Variants in UHMK1 observed in about 807,000 individuals in gnomAD.
UHMK1 encodes the protein serine/threonine-protein kinase Kist.
UHMK1 carries 18 observed loss-of-function variants against 44.0 expected under a neutral mutation model. The ratio of observed to expected loss-of-function variants is 0.41; its 90% CI spans 0.28 to 0.61. The LOEUF (loss-of-function observed/expected upper bound fraction) is 0.61. Among genes scored for constraint, UHMK1 ranks in the 20% least tolerant of loss-of-function variants. The pLI, the probability that UHMK1 is intolerant of heterozygous loss-of-function variation, is 0.31. For missense variants in UHMK1, 463 were observed against 522.5 expected, an observed-to-expected ratio of 0.89 and a Z score of 1.11; for synonymous variants, 231 against 198.5, an observed-to-expected ratio of 1.16 and a Z score of -1.38.
chr1:162,497,689 T>C, upstream of UHMK1: 3 of 864,654 alleles, frequency 3.5e-6, no homozygotes, highest in Non-Finnish European at 4.6e-6. Flanking sequence ...TACTCAATAA[T>C]TAAGGTTACT....
Position 162,526,102 on chromosome 1 carries a change from T to C in UHMK1, c.*3552T>C, listed in dbSNP as rs1652239127. The C allele has an allele frequency of 6.6e-6, 1 of 152,170 alleles. No homozygotes were observed. Among genetic ancestry groups the C allele is most frequent in the African/African-American group, 2.4e-5 (1 of 41,438 alleles). 9.4% of individuals were successfully genotyped at this position (152,170 alleles called of 1,614,324 possible). A position where few individuals can be genotyped will look rare whatever the true frequency, so the allele number is the denominator to read the frequency against. On this transcript the variant is annotated 3_prime_UTR_variant, in exon 8 of 8. Transcript: ENST00000489294. The stretch of plus-strand genomic sequence containing the variant: ...CTGGTAAGGGCATCAGTTACTTTTC[T>C]GGAATAAAAGGCGGAGTTAGAGCAC...
At chr1:162,497,406 G>C, upstream of UHMK1, 1 of 621,702 alleles carries the variant, frequency 1.6e-6, no homozygotes, top group South Asian at 1.8e-5. Context: ...GGGGGGCTTA[G>C]AATTGTATTT....
intron 7 of UHMK1, among the ~76,000 whole-genome samples, chr1:162,521,616 C>G (rs1346227254): frequency 6.6e-6 from 1 of 152,098 alleles, no homozygotes; most frequent in Non-Finnish European, 1.5e-5. Flanking sequence ...TGCTATCACG[C>G]CCAGTTAGAT....
intron 4 of UHMK1, among the ~76,000 whole-genome samples, chr1:162,509,529 T>C (rs56278977): frequency 6.6e-6 from 1 of 152,356 alleles, no homozygotes; most frequent in Non-Finnish European, 1.5e-5. Context: ...TGTTTGGGTT[T>C]ATTTTTTTTC....
At position 162,498,276 on chromosome 1, in the gene UHMK1, C is replaced by T; in HGVS notation, c.268+8C>T. 17 of 1,573,858 alleles carry T rather than the reference C, an allele frequency of 1.1e-5. No individual in the cohort carries two copies. Among genetic ancestry groups the T allele is most frequent in the Non-Finnish European group, 1.5e-5 (17 of 1,155,628 alleles). ...AGGGTCACAGAAACATCGGTAATTG[C>T]CGCTGTCTCCTTTCTCTTCTTGCCC... is the stretch of plus-strand genomic sequence containing the variant. On this transcript the variant is annotated splice_region_variant and intron_variant, in intron 1 of 7. Transcript: ENST00000489294.
chr1:162,521,574 CTGCCTCCCAAGTA>C (rs1652060506), intron 7 of UHMK1, among the ~76,000 whole-genome samples: 1 of 152,212 alleles, frequency 6.6e-6, no homozygotes, highest in African/African-American at 2.4e-5. Flanking sequence ...CCTCCCAACT[CTGCCTCCCAAGTA>C]GCTGGGATTA....
In UHMK1 at chr1:162,501,096, G is replaced by T; in HGVS notation, c.745G>T (p.Glu249Ter). 6.2e-7 allele frequency: 1 copy of T among 1,613,766 alleles called. No individual in the cohort carries two copies. The highest frequency in any genetic ancestry group is 8.5e-7 in the Non-Finnish European group (1 of 1,179,920). The change falls in exon 3 of 8, where the codon GAA (glutamate) becomes TAA (stop). Residue 249 changes from glutamate to a stop codon, truncating the protein, a stop_gained. Transcript: ENST00000489294. LOFTEE classifies it high-confidence loss of function. ...ACTGAAACATACAGTCAGATCTCAG[G>T]AATGGAAGGTAAACTTCACCAGTGC... ...MKLKHTVRSQ[E>*]WKANSSAIID...
At chr1:162,512,441 A>G in intron 4 of UHMK1, 59 bp from the exon 5 acceptor site, 1 of 1,371,836 alleles carries the variant, frequency 7.3e-7, no homozygotes, top group East Asian at 2.3e-5. Flanking sequence ...ACTTTCTTTA[A>G]TGGTTGCATT....
Position 162,498,105 on chromosome 1 carries a change from C to G in UHMK1, c.105C>G (p.Ala35=). 6.2e-7 allele frequency: 1 copy of G among 1,612,340 alleles called. No individual in the cohort carries two copies. The highest frequency in any genetic ancestry group is 8.5e-7 in the Non-Finnish European group (1 of 1,179,648). ...VQSRLGSGSS[A]SVYRVRCCGN... is the part of the protein sequence containing the mutation. The stretch of plus-strand genomic sequence containing the variant: ...GCCGTCTGGGTAGCGGCTCCTCCGC[C>G]TCGGTGTATCGGGTTCGCTGCTGCG... The change falls in exon 1 of 8, where the codon GCC becomes GCG. Residue 35 remains alanine, a synonymous_variant. Transcript: ENST00000489294.
In UHMK1 at chr1:162,523,434, A is replaced by G. The variant is rs1424828746; in HGVS notation, c.*884A>G. On this transcript the variant is annotated 3_prime_UTR_variant, in exon 8 of 8. Coordinates refer to ENST00000489294, the MANE Select transcript of UHMK1 (RefSeq NM_175866.5). ...AAACTGGAGTCTAGCCTGGAGTTAA[A>G]TTGAGACTTCTAAAATGATTGGAAC... is the stretch of plus-strand genomic sequence containing the variant. 3 of 152,664 alleles carry G rather than the reference A, an allele frequency of 2.0e-5. No homozygotes were observed. Among genetic ancestry groups the G allele is most frequent in the African/African-American group, 7.2e-5 (3 of 41,466 alleles). The allele number at this position is 152,664 out of a possible 1,614,324, so 9.5% of individuals were successfully genotyped here.
At chr1:162,498,950 G>A (rs938929381) in intron 1 of UHMK1, among the ~76,000 whole-genome samples, 6 of 152,176 alleles carry the variant, frequency 3.9e-5, no homozygotes, top group African/African-American at 1.2e-4. Flanking sequence ...ATGATGCATA[G>A]TTAATTTGAA....
chr1:162,519,684 G>A (rs768909), intron 7 of UHMK1, among the ~76,000 whole-genome samples: 69,543 of 152,072 alleles, frequency 0.46, 15,967 homozygotes, highest in East Asian at 0.47. Context: ...TTTTTTGAGA[G>A]ATAGAATTTT....
intron 4 of UHMK1, among the ~76,000 whole-genome samples, chr1:162,506,883 C>T (rs543030986): frequency 6.6e-6 from 1 of 152,126 alleles, no homozygotes; most frequent in South Asian, 2.1e-4. Flanking sequence ...AAAAGAGTCA[C>T]TTGGTCTTCT....
chr1:162,497,794 G>A, upstream of UHMK1: 1 of 1,346,614 alleles, frequency 7.4e-7, no homozygotes, highest in South Asian at 1.9e-5. Flanking sequence ...TGTATGATAG[G>A]CTCTTCCTCC....
intron 4 of UHMK1, among the ~76,000 whole-genome samples, chr1:162,507,068 C>T (rs971536518): frequency 1.1e-4 from 16 of 151,482 alleles, no homozygotes; most frequent in Admixed American, 6.6e-4. Context: ...ATGTCCTCCT[C>T]GTCTACATAC....
At chr1:162,514,861 T>G (rs898131024) in intron 6 of UHMK1, among the ~76,000 whole-genome samples, 1 of 152,204 alleles carries the variant, frequency 6.6e-6, no homozygotes, top group Non-Finnish European at 1.5e-5. Context: ...AGAATTTTGG[T>G]GTGGCTGTAT....
In UHMK1 at chr1:162,507,868, G is replaced by A. The variant is rs148777758; in HGVS notation, c.848+4020G>A. 3.3e-4 allele frequency among the ~76,000 whole-genome samples: 50 copies of A among 151,590 alleles called. No homozygotes were observed. In the East Asian group the frequency reaches 8.9e-3, roughly 27 times the overall value. ...CCCCAAATGTTGTGATTACAGGCAT[G>A]AGCCACCGTGCCCCGCCTCTTTTTT... On this transcript the variant is annotated intron_variant, in intron 4 of 7. Transcript: ENST00000489294.
intron 7 of UHMK1, among the ~76,000 whole-genome samples, chr1:162,519,339 C>A (rs1651960394): frequency 6.6e-6 from 1 of 151,500 alleles, no homozygotes; most frequent in Admixed American, 6.6e-5. Context: ...ACAGTAACAC[C>A]AACTGCTAAA....
chr1:162,506,638 C>T (rs1651479217), intron 4 of UHMK1, among the ~76,000 whole-genome samples: 2 of 152,168 alleles, frequency 1.3e-5, no homozygotes, highest in South Asian at 4.1e-4. Flanking sequence ...TCAGTAATTG[C>T]CTTTTCATTA....
Sources: allele counts gnomAD v4.1 joint callset (sites outside exome capture counted in the v4.1 genomes callset), GRCh38; gene constraint gnomAD v4.1.1; transcripts MANE v1.5; gene names NCBI Gene and HGNC (gene_info 2026-07-23, HGNC 2026-07-21).